The following PKD1 variants were observed in gnomAD, a reference collection of about 807,000 sequenced individuals.
PKD1 encodes the protein polycystin-1.
Under a neutral mutation model 361.7 loss-of-function variants are expected in PKD1, and 81 were observed. The observed-to-expected ratio is 0.22, with a 90% CI of 0.19 to 0.27. The LOEUF (loss-of-function observed/expected upper bound fraction) is 0.27, where lower values mean the gene tolerates loss of function less well. Ranked by LOEUF, PKD1 falls within the 10% of genes least tolerant of loss-of-function variation. The pLI, the probability that PKD1 is intolerant of heterozygous loss-of-function variation, is 1.00. For missense variants in PKD1, 6,399 were observed against 6,118.3 expected, an observed-to-expected ratio of 1.05 and a Z score of -1.53; for synonymous variants, 3,615 against 2,818.3, an observed-to-expected ratio of 1.28 and a Z score of -8.95.
In PKD1 at chr16:2,090,063, G is replaced by A; in HGVS notation, c.12576C>T (p.Ser4192=). The part of the protein sequence containing the change: ...SDASHPSTSS[S]QLDGLSVSLG... ...GGCTCACGCTCAGCCCATCCAGCTG[G>A]CTGGAGGAGGTGGAGGGGTGCGAGG... Residue 4192 remains serine (S), a synonymous_variant, in exon 46 of 46, where the codon AGC becomes AGT. Coordinates refer to ENST00000262304, the MANE Select transcript of PKD1 (RefSeq NM_001009944.3). The A allele has an allele frequency of 6.2e-7, 1 of 1,611,132 alleles. No individual in the cohort carries two copies. The highest frequency in any genetic ancestry group is 8.5e-7 in the Non-Finnish European group (1 of 1,178,880).
rs776845971 is a variant in PKD1, at chr16:2,114,137, G to C, written c.2853+33C>G. 4 of 1,583,504 alleles carry C rather than the reference G, an allele frequency of 2.5e-6. No individual in the cohort carries two copies. In the African/African-American group the frequency reaches 5.4e-5, roughly 21 times the overall value. On this transcript the variant is annotated intron_variant, in intron 11 of 45. Transcript: ENST00000262304. ...GCACCCTGTCTGCAGGCACCTGCCT[G>C]GGGGCTGGTGGTGGAGCCTCGGCCA... is the stretch of plus-strand genomic sequence containing the variant.
chr16:2,102,904 T>A lies in PKD1; in HGVS notation c.8858A>T (p.Asn2953Ile). Residue 2953 changes from asparagine (N) to isoleucine (I), a missense_variant, in exon 24 of 46, where the codon AAT becomes ATT. Asn to Ile is a moderately radical substitution (Grantham distance 149). Coordinates refer to ENST00000262304, the MANE Select transcript of PKD1 (RefSeq NM_001009944.3). ...CCTGCTAGCCGAGCAGTTGTGCTCA[T>A]TGGGCCGGGGCTCCGAGTGTAGGTA... ...AVYLHSEPRPNEHNCSASRRI... is the reference protein window; with the variant it reads ...AVYLHSEPRPIEHNCSASRRI... The A allele has an allele frequency of 6.2e-7, 1 of 1,609,934 alleles. No individual in the cohort carries two copies. Among genetic ancestry groups the A allele is most frequent in the Non-Finnish European group, 8.5e-7 (1 of 1,179,758 alleles).
intron 1 of PKD1, among the ~76,000 whole-genome samples, chr16:2,124,609 A>G (rs914507404): frequency 2.0e-5 from 3 of 152,216 alleles, no homozygotes; most frequent in East Asian, 1.9e-4. Flanking sequence ...GACCTGCCTC[A>G]GAGTCTCACA....
chr16:2,133,081 CAAAAAAAAAAA>C (rs71388236), intron 1 of PKD1: 4 of 41,100 alleles, frequency 9.7e-5, no homozygotes, highest in African/African-American at 2.8e-4. Flanking sequence ...AACTCTGTCT[CAAAAAAAAAAA>C]AAAAAAAAAA....
rs1171741150 is a variant in PKD1 at position 2,110,910 on chromosome 16, C to T, written c.4257G>A (p.Glu1419=). 1.9e-6 allele frequency: 3 copies of T among 1,611,384 alleles called. No homozygotes were observed. The highest frequency in any genetic ancestry group is 2.2e-5 in the South Asian group (2 of 91,016). ...PYRYTWDFGT[E]EAAPTRARGP... Reference sequence around the variant, plus strand: ...CCCTGGCACGGGTGGGGGCGGCTTCCTCGGTGCCAAAGTCCCAGGTGTAGC... The same window carrying T: ...CCCTGGCACGGGTGGGGGCGGCTTCTTCGGTGCCAAAGTCCCAGGTGTAGC... The change falls in exon 15 of 46, where the codon GAG becomes GAA. Residue 1419 remains glutamate, a synonymous_variant. Transcript: ENST00000262304.
Position 2,116,994 on chromosome 16 carries a change from G to A in PKD1, c.1445C>T (p.Pro482Leu), listed in dbSNP as rs769409079. 1.4e-5 allele frequency: 22 copies of A among 1,578,754 alleles called. No homozygotes were observed. The highest frequency in any genetic ancestry group is 6.7e-5 in the East Asian group (3 of 44,514). The change falls in exon 7 of 46, where the codon CCG becomes CTG. Residue 482 changes from proline (P) to leucine (L), a missense_variant. Pro to Leu is a moderately conservative substitution (Grantham distance 98). Coordinates refer to ENST00000262304, the MANE Select transcript of PKD1 (RefSeq NM_001009944.3). ...CTCCAGGCTGAAGGCCTCGCCCTGC[G>A]GCGCTGGGCCCACCTCCACCCCCTG... is the stretch of plus-strand genomic sequence containing the variant. Reference protein sequence around the residue: ...TVQGVEVGPAPQGEAFSLESC... With the variant: ...TVQGVEVGPALQGEAFSLESC...
intron 1 of PKD1, among the ~76,000 whole-genome samples, chr16:2,134,720 G>A (rs1340357976): frequency 3.4e-5 from 5 of 147,726 alleles, no homozygotes; most frequent in Non-Finnish European, 6.0e-5. Context: ...TCAGGATTCC[G>A]CATGACGACC....
Position 2,110,044 on chromosome 16 carries a change from G to T in PKD1, c.5123C>A (p.Ala1708Asp). 6.2e-7 allele frequency: 1 copy of T among 1,610,324 alleles called. No homozygotes were observed. Among genetic ancestry groups the T allele is most frequent in the Non-Finnish European group, 8.5e-7 (1 of 1,179,606 alleles). ...RATNMLGSAW[A>D]DCTMDFVEPV... The stretch of plus-strand genomic sequence containing the variant: ...CTCCACGAAGTCCATGGTGCAGTCG[G>T]CCCAGGCGCTGCCCAGCATGTTGGT... The change falls in exon 15 of 46, where the codon GCC becomes GAC. Residue 1708 changes from alanine (A) to aspartate (D), a missense_variant. Ala to Asp is a moderately radical substitution (Grantham distance 126). Transcript: ENST00000262304.
chr16:2,094,522 GC>G (rs1485851484), intron 34 of PKD1, among the ~76,000 whole-genome samples: 1 of 152,296 alleles, frequency 6.6e-6, no homozygotes, highest in Admixed American at 6.5e-5. Flanking sequence ...GGTGCAATGA[GC>G]CCCCCTTCAA....
At chr16:2,094,291 A>G in intron 34 of PKD1, 81 bp from the exon 35 acceptor site, 1 of 880,964 alleles carries the variant, frequency 1.1e-6, no homozygotes, top group Non-Finnish European at 1.9e-6. Context: ...CTGGGCGGGC[A>G]GTTTCTTGAG....
Position 2,109,093 on chromosome 16 carries a change from T to G in PKD1, c.6074A>C (p.Asp2025Ala). 6.2e-7 allele frequency: 1 copy of G among 1,603,428 alleles called. No homozygotes were observed. The highest frequency in any genetic ancestry group is 1.1e-5 in the South Asian group (1 of 90,900). Residue 2025 changes from aspartate to alanine, a missense_variant, in exon 15 of 46, where the codon GAC becomes GCC. By Grantham distance (126) the Asp-to-Ala change is moderately radical. Transcript: ENST00000262304. ...CGCGGCCACGGGCGTGTAGGTGACG[T>G]CGCGGCCCGACAGGATGACCAGCGA... ...GDSLVILSGR[D>A]VTYTPVAAGL...
chr16:2,092,293 G>T (rs992223582), intron 39 of PKD1, 105 bp from the exon 40 acceptor site: 3 of 1,272,370 alleles, frequency 2.4e-6, no homozygotes, highest in African/African-American at 3.0e-5. Flanking sequence ...CGCCACCCCA[G>T]GGAACCCTCC....
Position 2,090,789 on chromosome 16 carries a change from A to G in PKD1, c.12023T>C (p.Phe4008Ser). 6.2e-7 allele frequency: 1 copy of G among 1,612,564 alleles called. No homozygotes were observed. Among genetic ancestry groups the G allele is most frequent in the Non-Finnish European group, 8.5e-7 (1 of 1,179,948 alleles). ...GCCAAAGACGGACCACTGGCGCACG[A>G]AGCGTAGCTGCTGGGCAGCCTGCGG... The part of the protein sequence containing the change: ...LLVKAAQQLR[F>S]VRQWSVFGKT... Residue 4008 changes from phenylalanine (F) to serine (S), a missense_variant, in exon 44 of 46, where the codon TTC becomes TCC. Transcript: ENST00000262304.
In PKD1 at chr16:2,106,070, C is replaced by A. The variant is rs1036356806; in HGVS notation, c.7703+21G>T. The A allele has an allele frequency of 1.2e-6, 2 of 1,604,860 alleles. No individual in the cohort carries two copies. ...TGAGCAGGTGGCAGTCTCGGGGGCG[C>A]CCTCCCACGGCCTGGCTCACCTGTT... is the stretch of plus-strand genomic sequence containing the variant. On this transcript the variant is annotated intron_variant, in intron 19 of 45. Transcript: ENST00000262304. The surrounding 1 kb of genome is among the most constrained non-coding windows in gnomAD (Gnocchi z 6.5).
At chr16:2,129,086 C>T (rs1039315343) in intron 1 of PKD1, among the ~76,000 whole-genome samples, 4 of 151,952 alleles carry the variant, frequency 2.6e-5, no homozygotes, top group Non-Finnish European at 5.9e-5. Flanking sequence ...TGGTCACAAA[C>T]TCCTGACCTT....
In PKD1 at chr16:2,090,685, G is replaced by A. The variant is rs765619654; in HGVS notation, c.12127C>T (p.Leu4043=). Residue 4043 remains leucine (L), a synonymous_variant, in exon 44 of 46, where the codon CTG becomes TTG. Coordinates refer to ENST00000262304, the MANE Select transcript of PKD1 (RefSeq NM_001009944.3). ...LVVLGVAYAQ[L]AILLVSSCVD... is the part of the protein sequence containing the mutation. The stretch of plus-strand genomic sequence containing the variant: ...GCGCAGTCACCTACCAGGATGGCCA[G>A]CTGGGCGTAGGCTACCCCGAGCACC... The A allele has an allele frequency of 2.0e-5, 32 of 1,612,206 alleles. No homozygotes were observed. Among genetic ancestry groups the A allele is most frequent in the South Asian group, 9.9e-5 (9 of 91,082 alleles).
At chr16:2,101,315 A>C (rs1307532526) in intron 26 of PKD1, among the ~76,000 whole-genome samples, 1 of 151,784 alleles carries the variant, frequency 6.6e-6, no homozygotes, top group Non-Finnish European at 1.5e-5. Flanking sequence ...ATCAAAAGAA[A>C]GAACTGGGCA....
chr16:2,095,912 CTG>C (rs35389185), intron 34 of PKD1, among the ~76,000 whole-genome samples: 13,620 of 152,240 alleles, frequency 0.089, 707 homozygotes, highest in African/African-American at 0.13. Context: ...TCCCCATACT[CTG>C]TATTTTTAAA....
In PKD1 at chr16:2,106,719, C is replaced by T; in HGVS notation, c.7210-42G>A. The T allele has an allele frequency of 1.9e-6, 3 of 1,549,002 alleles. No individual in the cohort carries two copies. Among genetic ancestry groups the T allele is most frequent in the East Asian group, 2.3e-5 (1 of 43,898 alleles). ...TGGTGAGGGGGCGCAACCCTCTGCC[C>T]TGTCAGCCCCACTTCTGCCTGCAGG... On this transcript the variant is annotated intron_variant, in intron 17 of 45. Coordinates refer to ENST00000262304, the MANE Select transcript of PKD1 (RefSeq NM_001009944.3). This position sits in a 1 kb window ranked among gnomAD's most constrained non-coding sequence, Gnocchi z 6.5.
Sources: allele counts gnomAD v4.1 joint callset (sites outside exome capture counted in the v4.1 genomes callset), GRCh38; gene constraint gnomAD v4.1.1; non-coding constraint Gnocchi (gnomAD v3.1); transcripts MANE v1.5; gene names NCBI Gene and HGNC (gene_info 2026-07-23, HGNC 2026-07-21).